ACAP2: variants seen among roughly 807,000 people sequenced by gnomAD.
ACAP2 encodes arf-GAP with coiled-coil, ANK repeat and PH domain-containing protein 2.
In ACAP2, 39 loss-of-function variants were observed where a neutral mutation model predicts 115.8. That is an observed-to-expected ratio of 0.34 (90% CI 0.26 to 0.44). ACAP2 has a LOEUF of 0.44. ACAP2 is among the 20% of genes least tolerant of loss of function. The pLI, the probability that ACAP2 is intolerant of heterozygous loss-of-function variation, is 1.00. For missense variants in ACAP2, 662 were observed against 927.6 expected (o/e 0.71, Z 3.72); for synonymous variants, 289 against 315.8 (o/e 0.92, Z 0.90).
chr3:195,288,952 T>C (rs529498691), intron 21 of ACAP2, among the ~76,000 whole-genome samples, 169 bp downstream of exon 21: 1 of 152,236 alleles, frequency 6.6e-6, no homozygotes, highest in African/African-American at 2.4e-5. Flanking sequence ...TTAAAGTACA[T>C]GGGAGGAGGT....
chr3:195,285,701 G>C, intron 22 of ACAP2, 95 bp downstream of exon 22: 1 of 1,039,022 alleles, frequency 9.6e-7, no homozygotes, highest in African/African-American at 1.6e-5. Context: ...ACATTAGTTT[G>C]CTAAAGAACT....
At chr3:195,340,490 TAAGAA>T (rs1730795490) in intron 6 of ACAP2, among the ~76,000 whole-genome samples, 1 of 151,070 alleles carries the variant, frequency 6.6e-6, no homozygotes, top group African/African-American at 2.4e-5. Flanking sequence ...AACAATAAAG[TAAGAA>T]AAGAAAAGAA....
At chr3:195,435,501 ATT>A (rs1197438633) in intron 1 of ACAP2, among the ~76,000 whole-genome samples, 1 of 151,646 alleles carries the variant, frequency 6.6e-6, no homozygotes, top group African/African-American at 2.4e-5. Context: ...GCAGGTATAA[ATT>A]TCTCTCTAAG....
intron 4 of ACAP2, among the ~76,000 whole-genome samples, chr3:195,372,445 A>AGATT (rs770496212): frequency 1.3e-5 from 2 of 152,230 alleles, no homozygotes; most frequent in Non-Finnish European, 2.9e-5. Context: ...CTCCGACCTC[A>AGATT]GCACCTGGGA....
chr3:195,370,803 T>C (rs1434255735), intron 4 of ACAP2, among the ~76,000 whole-genome samples: 1 of 152,004 alleles, frequency 6.6e-6, no homozygotes, highest in Non-Finnish European at 1.5e-5. Flanking sequence ...ATACAAAAAA[T>C]TAGCCAGGTA....
At chr3:195,316,312 A>G (rs1729090218) in intron 10 of ACAP2, among the ~76,000 whole-genome samples, 1 of 151,672 alleles carries the variant, frequency 6.6e-6, no homozygotes, top group Non-Finnish European at 1.5e-5. Context: ...TTAAGTTTTC[A>G]TTTTCACTTT....
At chr3:195,379,038 A>G (rs1733772504) in intron 4 of ACAP2, among the ~76,000 whole-genome samples, 1 of 152,114 alleles carries the variant, frequency 6.6e-6, no homozygotes, top group Non-Finnish European at 1.5e-5. Flanking sequence ...TTAGTCTATT[A>G]TGTCAATTTA....
intron 1 of ACAP2, among the ~76,000 whole-genome samples, chr3:195,393,580 TCTC>T (rs1172485081): frequency 6.6e-6 from 1 of 152,222 alleles, no homozygotes; most frequent in Non-Finnish European, 1.5e-5. Flanking sequence ...ACTAAAAGTT[TCTC>T]ATTTGCTTCA....
At chr3:195,295,271 G>A (rs777251941) in intron 17 of ACAP2, 6 of 1,291,614 alleles carry the variant, frequency 4.6e-6, no homozygotes, top group East Asian at 5.5e-5. Flanking sequence ...AGAGACTCCC[G>A]CCTGGCCTCG....
At chr3:195,395,666 T>G (rs1375470554) in intron 1 of ACAP2, among the ~76,000 whole-genome samples, 3 of 152,220 alleles carry the variant, frequency 2.0e-5, no homozygotes, top group Non-Finnish European at 4.4e-5. Context: ...AGAGACCATA[T>G]GGCCCACAAA....
At chr3:195,396,953 G>C (rs1711847057) in intron 1 of ACAP2, among the ~76,000 whole-genome samples, 1 of 149,870 alleles carries the variant, frequency 6.7e-6, no homozygotes, top group African/African-American at 2.5e-5. Context: ...AAAAAATTAG[G>C]TCACATGGTG....
chr3:195,434,826 G>C (rs1424693481), intron 1 of ACAP2, among the ~76,000 whole-genome samples: 3 of 152,116 alleles, frequency 2.0e-5, no homozygotes, highest in Non-Finnish European at 2.9e-5. Flanking sequence ...TCAGTAGTTT[G>C]TGTCTTTCTT....
At chr3:195,291,173 CTAA>C (rs1451197328) in intron 20 of ACAP2, among the ~76,000 whole-genome samples, 3 of 152,082 alleles carry the variant, frequency 2.0e-5, no homozygotes, top group Non-Finnish European at 4.4e-5. Flanking sequence ...TGTATACTTC[CTAA>C]TAATAGAAAG....
At chr3:195,354,655 T>C (rs538832693) in intron 4 of ACAP2, among the ~76,000 whole-genome samples, 4 of 152,324 alleles carry the variant, frequency 2.6e-5, no homozygotes, top group South Asian at 4.1e-4. Context: ...GTTTCTTTGA[T>C]TGTGCAGAAA....
chr3:195,411,699 C>T (rs4677841), intron 1 of ACAP2, among the ~76,000 whole-genome samples: 45,608 of 151,030 alleles, frequency 0.3, 7,868 homozygotes, highest in East Asian at 0.81. Flanking sequence ...GATCAAACCA[C>T]GGAGAGACTT....
intron 5 of ACAP2, 121 bp from the exon 6 acceptor site, chr3:195,342,775 C>T: frequency 4.5e-6 from 3 of 665,028 alleles, no homozygotes. Context: ...GTGGGTGGAT[C>T]ATGAGGTCAA....
Position 195,342,517 on chromosome 3 carries a change from G to A in ACAP2, c.482C>T (p.Ala161Val), listed in dbSNP as rs1193166900. The A allele has an allele frequency of 6.2e-7, 1 of 1,611,144 alleles. No individual in the cohort carries two copies. Among genetic ancestry groups the A allele is most frequent in the South Asian group, 1.1e-5 (1 of 90,124 alleles). Reference sequence around the variant, plus strand: ...TATGTGTCGGAAACATTTTCTTGTTGCTGTCAGAATGTTGGTGGCTTCTTC... The same window carrying A: ...TATGTGTCGGAAACATTTTCTTGTTACTGTCAGAATGTTGGTGGCTTCTTC... ...EVEEATNILTATRKCFRHIAL... is the reference protein window; with the variant it reads ...EVEEATNILTVTRKCFRHIAL... Residue 161 changes from alanine to valine, a missense_variant, in exon 6 of 23, where the codon GCA (alanine) becomes GTA (valine). Physicochemically the swap from Ala to Val is moderately conservative, Grantham distance 64. This residue lies in a region of ACAP2 where 401 missense variants were observed against 604.4 expected (regional missense o/e 0.66). Coordinates refer to ENST00000326793, the MANE Select transcript of ACAP2 (RefSeq NM_012287.6).
Position 195,308,988 on chromosome 3 carries a change from T to A in ACAP2, c.858-151A>T, listed in dbSNP as rs1728586409. ...TATTATTTTGCTTTATATAAACTGA[T>A]TCTAACATGGGAAAACTACTGAAAG... On this transcript the variant is annotated intron_variant, in intron 10 of 22. Coordinates refer to ENST00000326793, the MANE Select transcript of ACAP2 (RefSeq NM_012287.6). 8.9e-6 allele frequency: 6 copies of A among 670,934 alleles called. No individual in the cohort carries two copies. In the South Asian group the frequency reaches 1.4e-4, roughly 16 times the overall value. The allele number at this position is 670,934 out of a possible 1,614,324, so 41.6% of individuals were successfully genotyped here. A position where few individuals can be genotyped will look rare whatever the true frequency, so the allele number is the denominator to read the frequency against.
chr3:195,382,074 T>C (rs1262971718), intron 2 of ACAP2, 52 bp from the exon 3 acceptor site: 1 of 1,556,714 alleles, frequency 6.4e-7, no homozygotes. Flanking sequence ...TACAAATTAC[T>C]TAGTTGAACA....
Sources: allele counts gnomAD v4.1 joint callset (sites outside exome capture counted in the v4.1 genomes callset), GRCh38; gene constraint gnomAD v4.1.1; regional missense constraint gnomAD v4.1.1; transcripts MANE v1.5; gene names NCBI Gene and HGNC (gene_info 2026-07-23, HGNC 2026-07-21).